Variants in ENPP3 observed in about 807,000 individuals in gnomAD.
ENPP3 encodes ectonucleotide pyrophosphatase/phosphodiesterase 3.
In ENPP3, 104 loss-of-function variants were observed where a neutral mutation model predicts 117.8. The observed-to-expected ratio is 0.88, with a 90% CI of 0.75 to 1.04. ENPP3 has a LOEUF of 1.04. ENPP3 is among the 50% of genes least tolerant of loss of function. The probability of loss-of-function intolerance (pLI) is 0.00; values close to 1 mark genes in which losing one functional copy is unlikely to be tolerated. For missense variants in ENPP3, 1,026 were observed against 1,051.9 expected, an observed-to-expected ratio of 0.98 and a Z score of 0.34; for synonymous variants, 380 against 349.9, an observed-to-expected ratio of 1.09 and a Z score of -0.96.
Position 131,746,965 on chromosome 6 carries a change from T to C in ENPP3, c.*9T>C. ...TTGAAACCACTATTTAACTTAATAA[T>C]GTCTACTTAATATATAATTTACTGT... is the stretch of plus-strand genomic sequence containing the variant. On this transcript the variant is annotated 3_prime_UTR_variant, in exon 25 of 25. Coordinates refer to ENST00000357639, the MANE Select transcript of ENPP3 (RefSeq NM_005021.5). 6.7e-7 allele frequency: 1 copy of C among 1,501,658 alleles called. No homozygotes were observed. The highest frequency in any genetic ancestry group is 9.2e-7 in the Non-Finnish European group (1 of 1,088,582). The allele number at this position is 1,501,658 out of a possible 1,614,324, so 93.0% of individuals were successfully genotyped here.
At position 131,677,862 on chromosome 6, in the gene ENPP3, C is replaced by A. The variant is rs371684410; in HGVS notation, c.939-6C>A. 17 of 1,582,788 alleles carry A rather than the reference C, an allele frequency of 1.1e-5. No homozygotes were observed. The African/African-American group carries it at 2.2e-4, about 20-fold the overall frequency. On this transcript the variant is annotated splice_region_variant and splice_polypyrimidine_tract_variant and intron_variant, in intron 10 of 24. Coordinates refer to ENST00000357639, the MANE Select transcript of ENPP3 (RefSeq NM_005021.5). ...TAATATATTTCTGTTTCAATTTTAC[C>A]CCTAGACCCAGGTTTTATACCATGT...
intron 5 of ENPP3, among the ~76,000 whole-genome samples, chr6:131,653,228 C>G (rs1418853038): frequency 1.3e-5 from 2 of 152,146 alleles, no homozygotes; most frequent in Non-Finnish European, 2.9e-5. Flanking sequence ...CTCCCAGACA[C>G]AGGTGATCCT....
intron 1 of ENPP3, chr6:131,638,571 G>GT (rs139108683): frequency 4.5e-4 from 172 of 386,368 alleles, no homozygotes; most frequent in African/African-American, 3.3e-3. Flanking sequence ...GCTCAGCTAA[G>GT]TTTTTGTGAG....
intron 5 of ENPP3, 119 bp from the exon 6 acceptor site, chr6:131,658,204 A>G (rs1224044892): frequency 1.7e-5 from 11 of 639,030 alleles, no homozygotes; most frequent in Non-Finnish European, 3.0e-5. Flanking sequence ...GTGTCTGGCT[A>G]TGGCCCAAAA....
At chr6:131,697,605 C>T (rs1001152290) in intron 15 of ENPP3, among the ~76,000 whole-genome samples, 4 of 151,556 alleles carry the variant, frequency 2.6e-5, no homozygotes, top group Non-Finnish European at 4.4e-5. Context: ...TATCTGGGGG[C>T]GATGGGAGAC....
chr6:131,660,043 A>C (rs1778465524), intron 6 of ENPP3, among the ~76,000 whole-genome samples: 1 of 152,222 alleles, frequency 6.6e-6, no homozygotes, highest in South Asian at 2.1e-4. Flanking sequence ...ACAACATCTC[A>C]ATCCCCAAAT....
At chr6:131,645,337 C>G (rs1246188702) in intron 2 of ENPP3, among the ~76,000 whole-genome samples, 2 of 152,224 alleles carry the variant, frequency 1.3e-5, no homozygotes, top group African/African-American at 4.8e-5. Flanking sequence ...ACTTACCTCT[C>G]CACCAGCCAT....
At chr6:131,693,707 A>G in intron 15 of ENPP3, 83 bp downstream of exon 15, 3 of 1,335,866 alleles carry the variant, frequency 2.2e-6, no homozygotes, top group South Asian at 1.3e-5. Context: ...CCCTGCTATT[A>G]TCATCACTGT....
At position 131,706,304 on chromosome 6, in the gene ENPP3, A is replaced by G. The variant is rs1243043219; in HGVS notation, c.1413-12368A>G. On this transcript the variant is annotated intron_variant, in intron 15 of 24. Transcript: ENST00000357639. ...CTCAGCATCCCAAAGTACTGAGATT[A>G]CAGGTGTGAGCCACTGTGCCTGGCC... is the stretch of plus-strand genomic sequence containing the variant. Among the ~76,000 whole-genome samples the G allele has an allele frequency of 1.5e-5, 2 of 136,160 alleles. 1 individual carries two copies. Among genetic ancestry groups the G allele is most frequent in the East Asian group, 4.5e-4 (2 of 4,430 alleles). 89.3% of individuals were successfully genotyped at this position (136,160 alleles called of 152,430 possible). A position where few individuals can be genotyped will look rare whatever the true frequency, so the allele number is the denominator to read the frequency against.
intron 15 of ENPP3, chr6:131,711,022 T>A: frequency 1.3e-6 from 2 of 1,593,256 alleles, no homozygotes; most frequent in Non-Finnish European, 1.7e-6. Context: ...CTCCATAGCG[T>A]CGAGGCTGCT....
chr6:131,664,760 G>A (rs2114355413), intron 6 of ENPP3, among the ~76,000 whole-genome samples: 1 of 152,290 alleles, frequency 6.6e-6, no homozygotes, highest in South Asian at 2.1e-4. Flanking sequence ...AGGATAACAT[G>A]CTGTACAGAT....
Position 131,671,232 on chromosome 6 carries a change from C to T in ENPP3, c.563-16C>T. ...GAAGAAACAACTTCCTAATTTCTCA[C>T]CATATTCTGTTGCAGAAACATGTGG... On this transcript the variant is annotated splice_polypyrimidine_tract_variant and intron_variant, in intron 6 of 24. Transcript: ENST00000357639. 1.4e-6 allele frequency: 2 copies of T among 1,476,158 alleles called. No homozygotes were observed. The highest frequency in any genetic ancestry group is 1.9e-6 in the Non-Finnish European group (2 of 1,056,232). The allele number at this position is 1,476,158 out of a possible 1,614,324, so 91.4% of individuals were successfully genotyped here.
At chr6:131,645,541 G>T (rs966569018) in intron 2 of ENPP3, among the ~76,000 whole-genome samples, 2 of 152,016 alleles carry the variant, frequency 1.3e-5, no homozygotes, top group Admixed American at 6.6e-5. Flanking sequence ...CTTTCTTCTT[G>T]TTTCATTTTC....
intron 6 of ENPP3, among the ~76,000 whole-genome samples, chr6:131,665,604 T>C (rs1778600334): frequency 6.6e-6 from 1 of 152,124 alleles, no homozygotes; most frequent in African/African-American, 2.4e-5. Flanking sequence ...TTTCTGATTT[T>C]ATTTATTTGA....
rs1349288917 is a variant in ENPP3, at chr6:131,650,108, G to A, written c.236G>A (p.Gly79Asp). The change falls in exon 3 of 25, where the codon GGT becomes GAT. Residue 79 changes from glycine (G) to aspartate (D), a missense_variant. By Grantham distance (94) the Gly-to-Asp change is moderately conservative (BLOSUM62 -1). Coordinates refer to ENST00000357639, the MANE Select transcript of ENPP3 (RefSeq NM_005021.5). ...CRCDVACKDR[G>D]DCCWDFEDTC... Reference sequence around the variant, plus strand: ...TGTGATGTGGCATGTAAAGACCGAGGTGATTGCTGCTGGGATTTTGAAGAC... The same window carrying A: ...TGTGATGTGGCATGTAAAGACCGAGATGATTGCTGCTGGGATTTTGAAGAC... 1.9e-6 allele frequency: 3 copies of A among 1,614,122 alleles called. No homozygotes were observed. The highest frequency in any genetic ancestry group is 1.7e-5 in the Admixed American group (1 of 60,014).
chr6:131,685,589 C>A (rs1412945100), intron 13 of ENPP3, 94 bp downstream of exon 13: 2 of 1,251,638 alleles, frequency 1.6e-6, no homozygotes, highest in Non-Finnish European at 2.3e-6. Context: ...GGTTATCAGA[C>A]CCTCTACTGA....
chr6:131,678,604 C>A (rs1778923126), intron 11 of ENPP3, among the ~76,000 whole-genome samples: 1 of 152,236 alleles, frequency 6.6e-6, no homozygotes, highest in African/African-American at 2.4e-5. Flanking sequence ...ATGAATGTGG[C>A]ATTTCCCCAC....
chr6:131,716,802 C>T (rs1039258972), intron 15 of ENPP3, among the ~76,000 whole-genome samples: 3 of 96,644 alleles, frequency 3.1e-5, no homozygotes, highest in African/African-American at 1.2e-4. Context: ...AACCCTCTCT[C>T]CACTAAAAAC....
intron 2 of ENPP3, among the ~76,000 whole-genome samples, chr6:131,647,563 A>G (rs2114303254): frequency 6.6e-6 from 1 of 152,304 alleles, no homozygotes; most frequent in Non-Finnish European, 1.5e-5. Context: ...AATTTAATAA[A>G]TGTCTATGTA....
Sources: allele counts gnomAD v4.1 joint callset (sites outside exome capture counted in the v4.1 genomes callset), GRCh38; gene constraint gnomAD v4.1.1; transcripts MANE v1.5; gene names NCBI Gene and HGNC (gene_info 2026-07-23, HGNC 2026-07-21).